RBL1: variants seen among roughly 807,000 people sequenced by gnomAD.
RBL1 encodes the protein RB transcriptional corepressor like 1.
A neutral mutation model predicts 123.0 loss-of-function variants in RBL1; 82 were observed. The ratio of observed to expected loss-of-function variants is 0.67; its 90% CI spans 0.56 to 0.80. The LOEUF (loss-of-function observed/expected upper bound fraction) is 0.80, where lower values mean the gene tolerates loss of function less well. Ranked by LOEUF, RBL1 falls within the 30% of genes least tolerant of loss-of-function variation. RBL1 has a pLI of 0.00. For missense variants in RBL1, 1,171 were observed against 1,299.6 expected, an observed-to-expected ratio of 0.90 and a Z score of 1.52; for synonymous variants, 405 against 441.3, an observed-to-expected ratio of 0.92 and a Z score of 1.03.
chr20:37,032,682 C>T lies in RBL1; in HGVS notation c.2365G>A (p.Ala789Thr). 6.2e-7 allele frequency: 1 copy of T among 1,613,958 alleles called. No individual in the cohort carries two copies. The highest frequency in any genetic ancestry group is 8.5e-7 in the Non-Finnish European group (1 of 1,179,972). ...ACACATACCTTTCTGTAAAATAGTGCTAAGGACCCAGTTCTCTTTGGCCTG... is the reference window on the plus strand; with the variant it reads ...ACACATACCTTTCTGTAAAATAGTGTTAAGGACCCAGTTCTCTTTGGCCTG... ...INRPKRTGSL[A>T]LFYRKVYHLA... The change falls in exon 16 of 22, where the codon GCA becomes ACA. Residue 789 changes from alanine (A) to threonine (T), a missense_variant. Physicochemically the swap from Ala to Thr is moderately conservative, Grantham distance 58. Transcript: ENST00000373664.
At chr20:37,041,840 G>A (rs1243252262) in intron 13 of RBL1, among the ~76,000 whole-genome samples, 1 of 152,024 alleles carries the variant, frequency 6.6e-6, no homozygotes, top group Non-Finnish European at 1.5e-5. Flanking sequence ...CAGGTGCAGT[G>A]GCTCATGCCT....
chr20:37,001,312 A>C (rs1179957596), intron 21 of RBL1, among the ~76,000 whole-genome samples: 1 of 151,934 alleles, frequency 6.6e-6, no homozygotes, highest in East Asian at 1.9e-4. Flanking sequence ...GTTTTGTGGA[A>C]TAGAAAGGGG....
intron 20 of RBL1, among the ~76,000 whole-genome samples, chr20:37,005,780 C>G (rs975185087): frequency 6.6e-6 from 1 of 151,880 alleles, no homozygotes; most frequent in Admixed American, 6.6e-5. Context: ...AGACCATATT[C>G]CATGAAAAGA....
intron 14 of RBL1, among the ~76,000 whole-genome samples, chr20:37,036,827 G>GTGTTAGCCAGGA (rs2064620943): frequency 6.6e-6 from 1 of 151,844 alleles, no homozygotes; most frequent in Admixed American, 6.6e-5. Context: ...GGGTTTCACC[G>GTGTTAGCCAGGA]TGTTAGCCAG....
chr20:37,042,454 G>C (rs1392690136), intron 13 of RBL1, among the ~76,000 whole-genome samples: 1 of 152,104 alleles, frequency 6.6e-6, no homozygotes, highest in Non-Finnish European at 1.5e-5. Flanking sequence ...CAATAAAATG[G>C]TGCAGCCATT....
chr20:37,036,712 G>A (rs1255330340), intron 14 of RBL1, among the ~76,000 whole-genome samples: 2 of 145,138 alleles, frequency 1.4e-5, no homozygotes, highest in African/African-American at 2.6e-5. Context: ...TGCAAGCTCC[G>A]CCTCCCAGGT....
chr20:37,067,842 T>C (rs2065206673), intron 3 of RBL1, 144 bp downstream of exon 3: 3 of 820,992 alleles, frequency 3.7e-6, no homozygotes, highest in African/African-American at 1.8e-5. Context: ...TTTCCAAATA[T>C]GGATAATTGT....
In RBL1 at chr20:36,998,996, C is replaced by T; in HGVS notation, c.3037-67G>A. On this transcript the variant is annotated intron_variant, in intron 21 of 21. Coordinates refer to ENST00000373664, the MANE Select transcript of RBL1 (RefSeq NM_002895.5). ...GGGGAAATGGCAGCAAACAACCAAG[C>T]TAATTGTTTTTTCCTGTGCTCTATC... 3.4e-6 allele frequency: 5 copies of T among 1,470,756 alleles called. No individual in the cohort carries two copies. In the South Asian group the frequency reaches 4.9e-5, roughly 14 times the overall value. 91.1% of individuals were successfully genotyped at this position (1,470,756 alleles called of 1,614,324 possible).
chr20:37,086,535 C>T (rs749687674), intron 2 of RBL1, among the ~76,000 whole-genome samples: 5 of 151,816 alleles, frequency 3.3e-5, no homozygotes, highest in African/African-American at 9.7e-5. Flanking sequence ...AGCAAAACTC[C>T]GTCTCAAAAA....
chr20:37,064,442 A>G (rs2065146981), intron 7 of RBL1, among the ~76,000 whole-genome samples: 1 of 151,886 alleles, frequency 6.6e-6, no homozygotes. Context: ...CTGGCTGAGT[A>G]GCTGTTTTAA....
chr20:37,034,579 G>A (rs1398595493), intron 15 of RBL1, among the ~76,000 whole-genome samples: 1 of 152,060 alleles, frequency 6.6e-6, no homozygotes, highest in Non-Finnish European at 1.5e-5. Flanking sequence ...AGCTACTCAG[G>A]AGGCTGAGGT....
chr20:37,075,544 C>T (rs1419998270), intron 2 of RBL1, among the ~76,000 whole-genome samples: 5 of 152,084 alleles, frequency 3.3e-5, no homozygotes, highest in African/African-American at 1.2e-4. Context: ...CAACCTCCAC[C>T]TCCTGGGTTC....
At chr20:37,070,432 TCC>T (rs2065266201) in intron 2 of RBL1, among the ~76,000 whole-genome samples, 1 of 147,724 alleles carries the variant, frequency 6.8e-6, no homozygotes, top group Non-Finnish European at 1.5e-5. Flanking sequence ...CCCTGCCAAA[TCC>T]CCCTCTGTGA....
At chr20:37,044,281 G>C in intron 12 of RBL1, 31 bp from the exon 13 acceptor site, 1 of 1,607,984 alleles carries the variant, frequency 6.2e-7, no homozygotes. Flanking sequence ...AGGCAATGTG[G>C]TTTCAAGCAG....
intron 21 of RBL1, among the ~76,000 whole-genome samples, chr20:36,999,424 G>A (rs955125715): frequency 9.5e-5 from 14 of 147,040 alleles, no homozygotes; most frequent in Non-Finnish European, 2.1e-4. Context: ...TAAGCTTCCC[G>A]TCTCCCTCCT....
chr20:37,020,696 A>G lies in RBL1; in HGVS notation c.2594T>C (p.Met865Thr). ...TTGGGGCTGATTCCTATAACTTTTC[A>G]TAATTTCTTGAAAAGTTCTTTCTTC... ...TKEERTFQEI[M>T]KSYRNQPQAN... Residue 865 changes from methionine (M) to threonine (T), a missense_variant, in exon 18 of 22, where the codon ATG (methionine) becomes ACG (threonine). Met to Thr is a moderately conservative substitution (Grantham distance 81). Transcript: ENST00000373664. 1 of 1,589,440 alleles carries G rather than the reference A, an allele frequency of 6.3e-7. No individual in the cohort carries two copies. Among genetic ancestry groups the G allele is most frequent in the East Asian group, 2.2e-5 (1 of 44,580 alleles).
chr20:37,074,612 G>A (rs1177301784), intron 2 of RBL1, among the ~76,000 whole-genome samples: 1 of 152,074 alleles, frequency 6.6e-6, no homozygotes, highest in Non-Finnish European at 1.5e-5. Context: ...AACTCCTGGT[G>A]GGGACGTAAA....
At chr20:37,069,799 G>A (rs2065253120) in intron 2 of RBL1, among the ~76,000 whole-genome samples, 1 of 151,564 alleles carries the variant, frequency 6.6e-6, no homozygotes, top group Admixed American at 6.6e-5. Flanking sequence ...AGGGAGGTGG[G>A]GGGGTCAGCC....
At chr20:37,065,636 CT>C (rs977260616) in intron 6 of RBL1, among the ~76,000 whole-genome samples, 163 bp from the exon 7 acceptor site, 26 of 148,000 alleles carry the variant, frequency 1.8e-4, no homozygotes, top group Non-Finnish European at 3.1e-4. Flanking sequence ...ATGCAAATAA[CT>C]TTTTTTTTTA....
Sources: allele counts gnomAD v4.1 joint callset (sites outside exome capture counted in the v4.1 genomes callset), GRCh38; gene constraint gnomAD v4.1.1; transcripts MANE v1.5; gene names NCBI Gene and HGNC (gene_info 2026-07-23, HGNC 2026-07-21).